RASGRP3: variants seen among roughly 807,000 people sequenced by gnomAD.
The protein encoded by RASGRP3 is ras guanyl-releasing protein 3.
RASGRP3 carries 54 observed loss-of-function variants against 82.7 expected under a neutral mutation model. The ratio of observed to expected loss-of-function variants is 0.65; its 90% CI spans 0.52 to 0.82. The LOEUF (loss-of-function observed/expected upper bound fraction) is 0.82, where lower values mean the gene tolerates loss of function less well. Ranked by LOEUF, RASGRP3 falls within the 40% of genes least tolerant of loss-of-function variation. The pLI is 0.00. For synonymous variants in RASGRP3, 309 were observed against 300.5 expected, an observed-to-expected ratio of 1.03 and a Z score of -0.29; for missense variants, 861 against 828.9, an observed-to-expected ratio of 1.04 and a Z score of -0.48.
At chr2:33,557,420 C>T (rs1424966341) in intron 15 of RASGRP3, among the ~76,000 whole-genome samples, 1 of 151,964 alleles carries the variant, frequency 6.6e-6, no homozygotes, top group African/African-American at 2.4e-5. Flanking sequence ...GTAAAAAAAT[C>T]CAGACAAGGC....
chr2:33,515,164 G>A lies in RASGRP3; in HGVS notation c.28G>A (p.Ala10Thr). 6.2e-7 allele frequency: 1 copy of A among 1,613,944 alleles called. No homozygotes were observed. The highest frequency in any genetic ancestry group is 8.5e-7 in the Non-Finnish European group (1 of 1,179,848). MGSSGLGKA[A>T]TLDELLCTCI... ...GGGATCAAGTGGCCTTGGGAAAGCA[G>A]CAACATTAGATGAACTGCTGTGCAC... The change falls in exon 3 of 18, where the codon GCA becomes ACA. Residue 10 changes from alanine (A) to threonine (T), a missense_variant. Ala to Thr is a moderately conservative substitution (Grantham distance 58, BLOSUM62 0). Transcript: ENST00000403687.
At chr2:33,440,914 A>G (rs957061086) in intron 1 of RASGRP3, among the ~76,000 whole-genome samples, 3 of 152,020 alleles carry the variant, frequency 2.0e-5, no homozygotes, top group Admixed American at 1.3e-4. Context: ...CTTCTTCAAG[A>G]CAAGGTCCCC....
intron 1 of RASGRP3, among the ~76,000 whole-genome samples, chr2:33,504,039 T>A (rs1311553641): frequency 6.6e-6 from 1 of 152,224 alleles, no homozygotes; most frequent in African/African-American, 2.4e-5. Context: ...TTCTCTGTCA[T>A]CAGCTTTTAA....
At chr2:33,543,763 T>C in intron 13 of RASGRP3, 136 bp downstream of exon 13, 2 of 637,242 alleles carry the variant, frequency 3.1e-6, no homozygotes, top group South Asian at 3.9e-5. Flanking sequence ...GTTTAATTTG[T>C]CACTGATTAT....
At position 33,564,695 on chromosome 2, in the gene RASGRP3, G is replaced by A. The variant is rs1017972288; in HGVS notation, c.*1958G>A. The stretch of plus-strand genomic sequence containing the variant: ...CCTTCCTGTGATAAAGATATTAAAT[G>A]TAACTTGAGTAAAAAATAAAAAAGA... On this transcript the variant is annotated 3_prime_UTR_variant, in exon 18 of 18. Transcript: ENST00000403687. 1 of 152,020 alleles carries A rather than the reference G, an allele frequency of 6.6e-6. No homozygotes were observed. Among genetic ancestry groups the A allele is most frequent in the East Asian group, 1.9e-4 (1 of 5,194 alleles). The allele number at this position is 152,020 out of a possible 1,614,324, so 9.4% of individuals were successfully genotyped here. A position where few individuals can be genotyped will look rare whatever the true frequency, so the allele number is the denominator to read the frequency against.
chr2:33,550,092 C>T (rs75518783), intron 14 of RASGRP3, among the ~76,000 whole-genome samples: 68 of 152,216 alleles, frequency 4.5e-4, no homozygotes, highest in African/African-American at 1.5e-3. Flanking sequence ...TTTATCTTAG[C>T]GAGTTCCTTC....
At position 33,564,655 on chromosome 2, in the gene RASGRP3, G is replaced by A. The variant is rs1187712594; in HGVS notation, c.*1918G>A. The A allele has an allele frequency of 6.6e-6, 1 of 152,082 alleles. No homozygotes were observed. The highest frequency in any genetic ancestry group is 2.4e-5 in the African/African-American group (1 of 41,404). The allele number at this position is 152,082 out of a possible 1,614,324, so 9.4% of individuals were successfully genotyped here. A position where few individuals can be genotyped will look rare whatever the true frequency, so the allele number is the denominator to read the frequency against. ...ATTTTTGAGTTTTCGTACATAGGAA[G>A]TTTTATATTGCCAGCCTTCCTGTGA... On this transcript the variant is annotated 3_prime_UTR_variant, in exon 18 of 18. Coordinates refer to ENST00000403687, the MANE Select transcript of RASGRP3 (RefSeq NM_001139488.2).
chr2:33,559,533 A>AAACCAGGC, intron 17 of RASGRP3: 1 of 496,896 alleles, frequency 2.0e-6, no homozygotes, highest in Non-Finnish European at 4.0e-6. Context: ...GAGGATCTCT[A>AAACCAGGC]AACCAGGCTC....
At position 33,552,018 on chromosome 2, in the gene RASGRP3, CAAACAA is replaced by C. The variant is rs777110600; in HGVS notation, c.1542+2269_1542+2274del. Among the ~76,000 whole-genome samples, 9 of 133,986 alleles carry C rather than the reference CAAACAA, an allele frequency of 6.7e-5. No homozygotes were observed. The South Asian group carries it at 1.8e-3, about 27-fold the overall frequency. The allele number at this position is 133,986 out of a possible 152,430, so 87.9% of individuals were successfully genotyped here. Reference sequence around the variant, plus strand: ...AAAAACAAACAAACAAACAAACAAACAAACAAACAGAGAAACAAACTCAAGATCTTA... The same window carrying C: ...AAAAACAAACAAACAAACAAACAAACACAGAGAAACAAACTCAAGATCTTA... On this transcript the variant is annotated intron_variant, in intron 14 of 17. Coordinates refer to ENST00000403687, the MANE Select transcript of RASGRP3 (RefSeq NM_001139488.2).
intron 10 of RASGRP3, chr2:33,532,435 G>A (rs1673184667): frequency 2.0e-5 from 3 of 152,150 alleles, no homozygotes; most frequent in Admixed American, 6.5e-5. Flanking sequence ...GCGCTAAGGG[G>A]AAAGATCCCT....
chr2:33,474,600 G>T (rs1201814782), upstream of RASGRP3, among the ~76,000 whole-genome samples: 1 of 152,206 alleles, frequency 6.6e-6, no homozygotes, highest in Non-Finnish European at 1.5e-5. Context: ...ACAACACCCA[G>T]CTGATAGTGA....
chr2:33,560,341 A>G (rs958332475), intron 17 of RASGRP3, among the ~76,000 whole-genome samples: 5 of 152,116 alleles, frequency 3.3e-5, no homozygotes, highest in Admixed American at 2.0e-4. Flanking sequence ...TATCAGTCCT[A>G]TCCCCCTACT....
At chr2:33,486,717 G>A (rs1668427769) in intron 1 of RASGRP3, among the ~76,000 whole-genome samples, 1 of 152,152 alleles carries the variant, frequency 6.6e-6, no homozygotes, top group African/African-American at 2.4e-5. Context: ...CCTTGGGTTG[G>A]TGACATTTAA....
At position 33,538,142 on chromosome 2, in the gene RASGRP3, A is replaced by G. The variant is rs562814495; in HGVS notation, c.1162-952A>G. Reference sequence around the variant, plus strand: ...GGATTGTTATATAAAAGTTTTAGTGATATTTGGAGAACTCGGATAGGATTT... The same window carrying G: ...GGATTGTTATATAAAAGTTTTAGTGGTATTTGGAGAACTCGGATAGGATTT... On this transcript the variant is annotated intron_variant, in intron 11 of 17. Transcript: ENST00000403687. Among the ~76,000 whole-genome samples, 4 of 152,326 alleles carry G rather than the reference A, an allele frequency of 2.6e-5. No individual in the cohort carries two copies. In the East Asian group the frequency reaches 7.7e-4, roughly 29 times the overall value.
At chr2:33,488,557 C>A (rs748902560) in intron 1 of RASGRP3, among the ~76,000 whole-genome samples, 5 of 152,132 alleles carry the variant, frequency 3.3e-5, no homozygotes, top group Non-Finnish European at 7.4e-5. Context: ...AAAAAAAATG[C>A]CTGTGTTCAT....
At chr2:33,516,715 C>T in intron 4 of RASGRP3, 71 bp downstream of exon 4, 3 of 1,035,098 alleles carry the variant, frequency 2.9e-6, no homozygotes, top group Non-Finnish European at 2.9e-6. Flanking sequence ...AGTGTCTATC[C>T]AAAGCCAGTA....
intron 2 of RASGRP3, among the ~76,000 whole-genome samples, chr2:33,471,350 T>TC (rs2150916733): frequency 2.7e-5 from 4 of 147,394 alleles, no homozygotes; most frequent in African/African-American, 1.0e-4. Context: ...TATTTTTTTT[T>TC]TTTTTTTTTT....
Position 33,543,545 on chromosome 2 carries a change from G to T in RASGRP3, c.1312G>T (p.Gly438Trp), listed in dbSNP as rs759335946. 3 of 1,610,134 alleles carry T rather than the reference G, an allele frequency of 1.9e-6. No homozygotes were observed. The highest frequency in any genetic ancestry group is 2.5e-6 in the Non-Finnish European group (3 of 1,176,834). ...VFRNYDHDHD[G>W]YISQEDFESI... Reference sequence around the variant, plus strand: ...TAGAAACTATGATCACGACCATGATGGGTACATTTCCCAAGAGGACTTTGA... The same window carrying T: ...TAGAAACTATGATCACGACCATGATTGGTACATTTCCCAAGAGGACTTTGA... Residue 438 changes from glycine to tryptophan, a missense_variant, in exon 13 of 18, where the codon GGG becomes TGG. Physicochemically the swap from Gly to Trp is radical, Grantham distance 184 (BLOSUM62 -2). Transcript: ENST00000403687.
chr2:33,535,327 A>T (rs1420073138), intron 11 of RASGRP3, among the ~76,000 whole-genome samples: 1 of 152,250 alleles, frequency 6.6e-6, no homozygotes, highest in Admixed American at 6.5e-5. Context: ...CTAATACAAA[A>T]TGCCTGGATG....
Sources: allele counts gnomAD v4.1 joint callset (sites outside exome capture counted in the v4.1 genomes callset), GRCh38; gene constraint gnomAD v4.1.1; transcripts MANE v1.5; gene names NCBI Gene and HGNC (gene_info 2026-07-23, HGNC 2026-07-21).